Variants in PCDH15 observed in about 807,000 individuals in gnomAD.
PCDH15 encodes the protein protocadherin related 15.
In PCDH15, 129 loss-of-function variants were observed where a neutral mutation model predicts 178.5. The observed-to-expected ratio is 0.72, with a 90% confidence interval of 0.63 to 0.84. The LOEUF (loss-of-function observed/expected upper bound fraction) is 0.84. Ranked by LOEUF, PCDH15 falls within the 40% of genes least tolerant of loss-of-function variation. The probability of loss-of-function intolerance (pLI) is 0.00; values close to 1 mark genes in which losing one functional copy is unlikely to be tolerated. For missense variants in PCDH15, 2,230 were observed against 2,099.9 expected (o/e 1.06, Z -1.21); for synonymous variants, 800 against 732.0 (o/e 1.09, Z -1.50).
At chr10:55,543,617 G>A (rs182522090) in intron 2 of PCDH15, among the ~76,000 whole-genome samples, 1 of 150,756 alleles carries the variant, frequency 6.6e-6, no homozygotes, top group African/African-American at 2.4e-5. Flanking sequence ...AGAAGAGCTA[G>A]AATCTAAATC....
chr10:55,234,296 C>CA (rs1193339601), intron 1 of PCDH15, among the ~76,000 whole-genome samples: 2 of 151,734 alleles, frequency 1.3e-5, no homozygotes, highest in Non-Finnish European at 2.9e-5. Flanking sequence ...ACCAAATACT[C>CA]AAAAACAATG....
chr10:54,586,851 G>T (rs2091505594), intron 2 of PCDH15, among the ~76,000 whole-genome samples: 1 of 152,046 alleles, frequency 6.6e-6, no homozygotes, highest in African/African-American at 2.4e-5. Context: ...AGAAAAAAAT[G>T]GTGATATTAG....
chr10:54,293,569 C>A (rs944361523), intron 8 of PCDH15, among the ~76,000 whole-genome samples: 1 of 152,146 alleles, frequency 6.6e-6, no homozygotes, highest in Admixed American at 6.5e-5. Flanking sequence ...ATCTACCCAT[C>A]TGACAAAGGG....
chr10:54,513,653 A>T (rs1440487049), intron 3 of PCDH15, among the ~76,000 whole-genome samples: 1 of 152,198 alleles, frequency 6.6e-6, no homozygotes, highest in Non-Finnish European at 1.5e-5. Flanking sequence ...TTGATTAAAG[A>T]TTAATTATGT....
chr10:54,640,041 T>C (rs2093955057), intron 2 of PCDH15, among the ~76,000 whole-genome samples: 1 of 152,042 alleles, frequency 6.6e-6, no homozygotes, highest in Non-Finnish European at 1.5e-5. Flanking sequence ...ATCACGGTCA[T>C]ACCTGTGAAT....
intron 20 of PCDH15, among the ~76,000 whole-genome samples, chr10:54,009,169 G>A (rs1373607337): frequency 6.6e-6 from 1 of 152,010 alleles, no homozygotes; most frequent in Non-Finnish European, 1.5e-5. Context: ...AAAAGATTTT[G>A]ACAGTTTGAG....
chr10:54,203,137 G>A (rs182685628), intron 10 of PCDH15, among the ~76,000 whole-genome samples: 151 of 152,188 alleles, frequency 9.9e-4, no homozygotes, highest in Non-Finnish European at 1.9e-3. Context: ...ATGTTGTCAC[G>A]CCAGAAGATT....
chr10:55,437,898 C>T (rs908568466), intron 2 of PCDH15, among the ~76,000 whole-genome samples: 9 of 131,010 alleles, frequency 6.9e-5, no homozygotes, highest in South Asian at 2.4e-4. Flanking sequence ...AGTGCAATGG[C>T]GTGATCTCGG....
intron 2 of PCDH15, among the ~76,000 whole-genome samples, chr10:54,609,670 C>A (rs1219052906): frequency 6.6e-6 from 1 of 151,982 alleles, no homozygotes; most frequent in African/African-American, 2.4e-5. Context: ...AGAAAATATA[C>A]TGCCACTGTG....
chr10:53,846,087 T>C (rs2077960664), intron 28 of PCDH15, among the ~76,000 whole-genome samples: 1 of 150,916 alleles, frequency 6.6e-6, no homozygotes, highest in Non-Finnish European at 1.5e-5. Context: ...GCCAAAAATT[T>C]CCCTGAATCT....
At chr10:54,699,357 T>A (rs982129950) in intron 1 of PCDH15, among the ~76,000 whole-genome samples, 2 of 152,052 alleles carry the variant, frequency 1.3e-5, no homozygotes, top group African/African-American at 4.8e-5. Context: ...ATAAAAGTCA[T>A]CAAAATATTG....
chr10:55,052,253 T>G (rs1841181313), intron 2 of PCDH15, among the ~76,000 whole-genome samples: 1 of 151,488 alleles, frequency 6.6e-6, no homozygotes, highest in African/African-American at 2.4e-5. Context: ...ACGCCCAGCT[T>G]ATTTTTTTGT....
At position 53,807,087 on chromosome 10, in the gene PCDH15, T is replaced by C. The variant is rs747357237; in HGVS notation, c.4715A>G (p.Tyr1572Cys). The C allele has an allele frequency of 6.2e-7, 1 of 1,612,878 alleles. No individual in the cohort carries two copies. Among genetic ancestry groups the C allele is most frequent in the Non-Finnish European group, 8.5e-7 (1 of 1,179,510 alleles). Reference protein sequence around the residue: ...RMIKLVVDREYETSSTGEDSA... With the variant: ...RMIKLVVDRECETSSTGEDSA... Reference sequence around the variant, plus strand: ...GTCTTCTCCAGTTGAGCTGGTTTCATACTCTCGATCAACAACTAACTTGAT... The same window carrying C: ...GTCTTCTCCAGTTGAGCTGGTTTCACACTCTCGATCAACAACTAACTTGAT... Residue 1572 changes from tyrosine to cysteine, a missense_variant, in exon 38 of 38, where the codon TAT (tyrosine) becomes TGT (cysteine). Physicochemically the swap from Tyr to Cys is radical, Grantham distance 194. Coordinates refer to ENST00000644397, the MANE Select transcript of PCDH15 (RefSeq NM_001384140.1).
chr10:55,045,340 A>G (rs898793133), intron 2 of PCDH15, among the ~76,000 whole-genome samples: 1 of 151,980 alleles, frequency 6.6e-6, no homozygotes, highest in Non-Finnish European at 1.5e-5. Context: ...TCTGTGTCAG[A>G]TGTTGTGGAA....
chr10:55,008,088 C>T (rs1010328249), intron 2 of PCDH15, among the ~76,000 whole-genome samples: 1 of 152,058 alleles, frequency 6.6e-6, no homozygotes, highest in African/African-American at 2.4e-5. Context: ...GAAATAATTG[C>T]CACATATTTG....
intron 1 of PCDH15, among the ~76,000 whole-genome samples, chr10:55,216,922 A>C (rs1840720040): frequency 6.6e-6 from 1 of 151,924 alleles, no homozygotes; most frequent in African/African-American, 2.4e-5. Context: ...TGCTAAATTT[A>C]TCCTGCTAAA....
At chr10:54,139,696 TGTCTA>T (rs1444447971) in intron 14 of PCDH15, among the ~76,000 whole-genome samples, 1 of 147,634 alleles carries the variant, frequency 6.8e-6, no homozygotes, top group East Asian at 1.9e-4. Flanking sequence ...CGAATCTGTT[TGTCTA>T]GTTCAGAAGT....
intron 3 of PCDH15, among the ~76,000 whole-genome samples, chr10:54,421,891 C>CACTATATATATATAT (rs1565231816): frequency 0.01 from 836 of 80,192 alleles, 38 homozygotes; most frequent in African/African-American, 0.045. Flanking sequence ...TATACACACA[C>CACTATATATATATAT]ACACTATATA....
intron 2 of PCDH15, among the ~76,000 whole-genome samples, chr10:55,059,318 C>T (rs72801627): frequency 0.19 from 28,948 of 152,060 alleles, 3,509 homozygotes; most frequent in Non-Finnish European, 0.27. Context: ...GCCCACTTTA[C>T]GTCCACTGTC....
Sources: gnomAD v4.1 joint callset for allele counts (sites outside exome capture counted in the v4.1 genomes callset) on GRCh38, gnomAD v4.1.1 for gene constraint, MANE v1.5 for transcripts, NCBI Gene and HGNC (gene_info 2026-07-23, HGNC 2026-07-21) for gene names.